Variants in PEX5L observed in about 807,000 individuals in gnomAD.
PEX5L encodes PEX5-related protein.
Under a neutral mutation model 84.0 loss-of-function variants are expected in PEX5L, and 30 were observed. The ratio of observed to expected loss-of-function variants is 0.36; its 90% confidence interval spans 0.27 to 0.48. The LOEUF (loss-of-function observed/expected upper bound fraction) is 0.48, where lower values mean the gene tolerates loss of function less well. Among genes scored for constraint, PEX5L ranks in the 20% least tolerant of loss-of-function variants. PEX5L has a pLI of 0.99. For missense variants in PEX5L, 533 were observed against 754.6 expected, an observed-to-expected ratio of 0.71 and a Z score of 3.44; for synonymous variants, 270 against 283.1, an observed-to-expected ratio of 0.95 and a Z score of 0.46.
intron 7 of PEX5L, among the ~76,000 whole-genome samples, chr3:179,871,742 A>T (rs1453789566): frequency 6.6e-6 from 1 of 152,190 alleles, no homozygotes; most frequent in Non-Finnish European, 1.5e-5. Context: ...TTTTCTAGAC[A>T]TCACTTTCCT....
intron 1 of PEX5L, among the ~76,000 whole-genome samples, chr3:179,980,454 G>T (rs916975173): frequency 3.3e-5 from 5 of 152,070 alleles, no homozygotes; most frequent in African/African-American, 4.8e-5. Flanking sequence ...CTTGACAACT[G>T]CAGGCATCCT....
chr3:179,945,418 A>G (rs955827322), intron 2 of PEX5L, among the ~76,000 whole-genome samples: 5 of 152,208 alleles, frequency 3.3e-5, no homozygotes, highest in Non-Finnish European at 5.9e-5. Flanking sequence ...ACTGTGTGCC[A>G]TTAAATAACT....
At chr3:179,964,341 A>C (rs1782802744) in intron 2 of PEX5L, among the ~76,000 whole-genome samples, 1 of 152,052 alleles carries the variant, frequency 6.6e-6, no homozygotes, top group Non-Finnish European at 1.5e-5. Context: ...ATCTTGTAAA[A>C]ACCCGGGAAG....
chr3:180,036,438 G>A (rs1791913241), intron 1 of PEX5L, 141 bp downstream of exon 1: 6 of 844,998 alleles, frequency 7.1e-6, no homozygotes, highest in Middle Eastern at 2.2e-4. Flanking sequence ...GGCAGCACCG[G>A]ACAGAAATGT....
intron 4 of PEX5L, among the ~76,000 whole-genome samples, chr3:179,882,346 A>G (rs1754408632): frequency 6.6e-6 from 1 of 152,234 alleles, no homozygotes; most frequent in Admixed American, 6.5e-5. Context: ...TGTGAATTCA[A>G]ACTTGGCTCA....
chr3:179,843,877 C>G (rs1481343117), intron 8 of PEX5L, among the ~76,000 whole-genome samples: 1 of 152,232 alleles, frequency 6.6e-6, no homozygotes, highest in East Asian at 1.9e-4. Context: ...GAGGTCCCAT[C>G]TTTCCTGACA....
chr3:179,971,814 A>G, intron 1 of PEX5L, 149 bp from the exon 2 acceptor site: 1 of 776,818 alleles, frequency 1.3e-6, no homozygotes, highest in Non-Finnish European at 1.9e-6. Flanking sequence ...TACAACAGCA[A>G]ATGTTTTTAT....
chr3:179,909,040 C>T (rs910648748), intron 2 of PEX5L, among the ~76,000 whole-genome samples: 5 of 152,110 alleles, frequency 3.3e-5, no homozygotes, highest in African/African-American at 1.2e-4. Context: ...GACTGCTAAG[C>T]TCATGGGCTC....
At chr3:179,880,241 C>T (rs1190769025) in intron 4 of PEX5L, 118 bp from the exon 5 acceptor site, 12 of 569,264 alleles carry the variant, frequency 2.1e-5, no homozygotes, top group East Asian at 1.8e-4. Context: ...AATAAAATTA[C>T]GTTAGCTCAT....
In PEX5L at chr3:179,875,339, A is replaced by G. The variant is rs1751985398; in HGVS notation, c.629+15T>C. 1 of 1,613,726 alleles carries G rather than the reference A, an allele frequency of 6.2e-7. No individual in the cohort carries two copies. The highest frequency in any genetic ancestry group is 1.3e-5 in the African/African-American group (1 of 75,040). On this transcript the variant is annotated intron_variant, in intron 6 of 14. Transcript: ENST00000467460. ...GATACATAAATGGCCGTTTTCTGGTATTAAAATACCTTACCATAAGAGCTC... is the reference window on the plus strand; with the variant it reads ...GATACATAAATGGCCGTTTTCTGGTGTTAAAATACCTTACCATAAGAGCTC...
At chr3:179,959,935 A>T (rs1182924241) in intron 2 of PEX5L, among the ~76,000 whole-genome samples, 1 of 152,258 alleles carries the variant, frequency 6.6e-6, no homozygotes, top group Non-Finnish European at 1.5e-5. Flanking sequence ...CCTAGAATAT[A>T]TATAGCAAAA....
chr3:180,006,155 T>G (rs1029831009), intron 1 of PEX5L, among the ~76,000 whole-genome samples: 16 of 152,192 alleles, frequency 1.1e-4, no homozygotes, highest in Non-Finnish European at 2.1e-4. Context: ...CTTGAGTAAT[T>G]AACAAAACCT....
Position 179,869,890 on chromosome 3 carries a change from A to G in PEX5L, c.726+4437T>C, listed in dbSNP as rs576821132. Among the ~76,000 whole-genome samples, 3 of 152,336 alleles carry G rather than the reference A, an allele frequency of 2.0e-5. No individual in the cohort carries two copies. In the South Asian group the frequency reaches 6.2e-4, roughly 32 times the overall value. On this transcript the variant is annotated intron_variant, in intron 7 of 14. Coordinates refer to ENST00000467460, the MANE Select transcript of PEX5L (RefSeq NM_016559.3). ...TGGCTTTTGTTATATATAGATATCT[A>G]TATAAATCAACTTCTTACATATTTT...
chr3:179,916,220 G>C (rs1384476217), intron 2 of PEX5L, among the ~76,000 whole-genome samples: 3 of 152,120 alleles, frequency 2.0e-5, no homozygotes, highest in Non-Finnish European at 4.4e-5. Flanking sequence ...TTGTCGTGTG[G>C]ACACTATAGA....
At chr3:179,852,161 G>C (rs559137948) in intron 8 of PEX5L, among the ~76,000 whole-genome samples, 9 of 152,288 alleles carry the variant, frequency 5.9e-5, no homozygotes, top group African/African-American at 1.9e-4. Flanking sequence ...CCTGACCTGG[G>C]GTCTTTTATG....
In PEX5L at chr3:179,797,598, A is replaced by AT. The variant is rs1362200081; in HGVS notation, c.*4229_*4230insA. 4.6e-5 allele frequency: 5 copies of AT among 107,894 alleles called. No homozygotes were observed. The highest frequency in any genetic ancestry group is 9.2e-5 in the Non-Finnish European group (5 of 54,282). The allele number at this position is 107,894 out of a possible 1,614,324, so 6.7% of individuals were successfully genotyped here. A position where few individuals can be genotyped will look rare whatever the true frequency, so the allele number is the denominator to read the frequency against. On this transcript the variant is annotated 3_prime_UTR_variant, in exon 15 of 15. Transcript: ENST00000467460. ...ATCTATGAACACTCTTTAAAAAAAAAAAAAAAAATATATATATATATATAT... is the reference window on the plus strand; with the variant it reads ...ATCTATGAACACTCTTTAAAAAAAAATAAAAAAAATATATATATATATATAT...
chr3:179,929,077 T>C (rs1772268345), intron 2 of PEX5L, among the ~76,000 whole-genome samples: 1 of 152,200 alleles, frequency 6.6e-6, no homozygotes, highest in South Asian at 2.1e-4. Flanking sequence ...TAATGACTTA[T>C]TCCATCAAGT....
intron 14 of PEX5L, 151 bp downstream of exon 14, chr3:179,807,523 C>T (rs2108750944): frequency 2.9e-6 from 2 of 677,984 alleles, no homozygotes; most frequent in East Asian, 2.5e-5. Flanking sequence ...TCAAACAGGC[C>T]TTGGGATCTG....
rs112728860 is a variant in PEX5L, at chr3:179,844,699, A to G, written c.822+14363T>C. Among the ~76,000 whole-genome samples the G allele has an allele frequency of 2.0e-4, 31 of 152,168 alleles. No homozygotes were observed. The South Asian group carries it at 3.1e-3, about 15-fold the overall frequency. On this transcript the variant is annotated intron_variant, in intron 8 of 14. Coordinates refer to ENST00000467460, the MANE Select transcript of PEX5L (RefSeq NM_016559.3). ...AAAAAAATTAGCTGGGCTTGGTGGC[A>G]GGCGCCTGTAGTCCCAGCTACTCGG...
Sources: gnomAD v4.1 joint callset for allele counts (sites outside exome capture counted in the v4.1 genomes callset) on GRCh38, gnomAD v4.1.1 for gene constraint, MANE v1.5 for transcripts, NCBI Gene and HGNC (gene_info 2026-07-23, HGNC 2026-07-21) for gene names.